Variants in PAIP2B observed in about 807,000 individuals in gnomAD.
The protein encoded by PAIP2B is poly(A) binding protein interacting protein 2B, also known as polyadenylate-binding protein-interacting protein 2B.
A neutral mutation model predicts 17.0 loss-of-function variants in PAIP2B; 13 were observed. That is an observed-to-expected ratio of 0.76 (90% CI 0.50 to 1.22). The LOEUF (loss-of-function observed/expected upper bound fraction) is 1.22. Ranked by LOEUF, PAIP2B falls within the 50% of genes most tolerant of loss-of-function variation. The pLI, the probability that PAIP2B is intolerant of heterozygous loss-of-function variation, is 0.00. For missense variants in PAIP2B, 117 were observed against 144.5 expected (o/e 0.81, Z 0.98); for synonymous variants, 43 against 48.7 (o/e 0.88, Z 0.48).
intron 1 of PAIP2B, among the ~76,000 whole-genome samples, chr2:71,213,691 T>G (rs1016261125): frequency 6.6e-6 from 1 of 152,168 alleles, no homozygotes; most frequent in Non-Finnish European, 1.5e-5. Flanking sequence ...AGAGGCAGAT[T>G]TTATGTCTAA....
intron 1 of PAIP2B, among the ~76,000 whole-genome samples, chr2:71,207,284 A>G (rs913218830): frequency 5.9e-5 from 9 of 152,178 alleles, no homozygotes; most frequent in African/African-American, 2.2e-4. Context: ...GCTTACTAGC[A>G]ATAGGGAGGA....
In PAIP2B at chr2:71,217,102, T is replaced by C. The variant is rs1189460173; in HGVS notation, c.-12+9826A>G. Among the ~76,000 whole-genome samples the C allele has an allele frequency of 5.3e-5, 8 of 152,206 alleles. No homozygotes were observed. In the East Asian group the frequency reaches 1.5e-3, roughly 29 times the overall value. On this transcript the variant is annotated intron_variant, in intron 1 of 3. Transcript: ENST00000244221. ...AGTAGCTCTGAATGTCCAAACTTAC[T>C]AAGAGAAGAAAAGTGGAATTATTGG...
chr2:71,207,118 G>A (rs1675151681), intron 1 of PAIP2B, among the ~76,000 whole-genome samples: 1 of 152,140 alleles, frequency 6.6e-6, no homozygotes. Context: ...ATTCTCTCAG[G>A]AGAGAGACAA....
chr2:71,212,712 C>T (rs1315975579), intron 1 of PAIP2B, among the ~76,000 whole-genome samples: 1 of 152,124 alleles, frequency 6.6e-6, no homozygotes, highest in Non-Finnish European at 1.5e-5. Flanking sequence ...CCTCAGCCTC[C>T]CAAAGTGCTG....
intron 2 of PAIP2B, among the ~76,000 whole-genome samples, chr2:71,191,743 G>C (rs550764085): frequency 6.6e-6 from 1 of 152,256 alleles, no homozygotes; most frequent in Non-Finnish European, 1.5e-5. Context: ...CCAGCTGCTG[G>C]ACTTCCCAGT....
At chr2:71,226,632 G>A (rs770872628) in intron 1 of PAIP2B, among the ~76,000 whole-genome samples, 3 of 152,080 alleles carry the variant, frequency 2.0e-5, no homozygotes, top group Non-Finnish European at 2.9e-5. Flanking sequence ...GCTGAGGGGA[G>A]TCAGGAACTT....
In PAIP2B at chr2:71,188,335, C is replaced by A; in HGVS notation, c.*144G>T. The A allele has an allele frequency of 1.5e-6, 1 of 653,056 alleles. No individual in the cohort carries two copies. Among genetic ancestry groups the A allele is most frequent in the Non-Finnish European group, 2.7e-6 (1 of 368,354 alleles). 40.5% of individuals were successfully genotyped at this position (653,056 alleles called of 1,614,324 possible). A position where few individuals can be genotyped will look rare whatever the true frequency, so the allele number is the denominator to read the frequency against. ...AATAAGACTGAGCATATTAGTTACT[C>A]AGAGTCACAGTATTGTGAGACCACC... On this transcript the variant is annotated 3_prime_UTR_variant, in exon 4 of 4. Coordinates refer to ENST00000244221, the MANE Select transcript of PAIP2B (RefSeq NM_020459.1).
chr2:71,199,809 T>C (rs980403405), intron 2 of PAIP2B, among the ~76,000 whole-genome samples: 1 of 152,162 alleles, frequency 6.6e-6, no homozygotes, highest in African/African-American at 2.4e-5. Flanking sequence ...GAGGACCACT[T>C]GTGCCTAGGG....
intron 1 of PAIP2B, among the ~76,000 whole-genome samples, chr2:71,213,583 A>G (rs1675356528): frequency 1.3e-5 from 2 of 152,240 alleles, no homozygotes; most frequent in Admixed American, 1.3e-4. Flanking sequence ...CACACTGTGT[A>G]AAATGGACTA....
rs1674505472 is a variant in PAIP2B, at chr2:71,185,220, C to T, written c.*3259G>A. On this transcript the variant is annotated 3_prime_UTR_variant, in exon 4 of 4. Transcript: ENST00000244221. ...GTAATAAACAATTTGGAAAATGTTG[C>T]TTAGTATTTTAAGCCATGGTTAGCA... 1 of 152,064 alleles carries T rather than the reference C, an allele frequency of 6.6e-6. No individual in the cohort carries two copies. The highest frequency in any genetic ancestry group is 1.5e-5 in the Non-Finnish European group (1 of 68,006). 9.4% of individuals were successfully genotyped at this position (152,064 alleles called of 1,614,324 possible).
At chr2:71,199,481 TC>T (rs1305900828) in intron 2 of PAIP2B, among the ~76,000 whole-genome samples, 8 of 152,144 alleles carry the variant, frequency 5.3e-5, no homozygotes, top group Non-Finnish European at 1.0e-4. Flanking sequence ...TCCATCTTTT[TC>T]TGTGGCCTGA....
chr2:71,211,481 C>T (rs1193697730), intron 1 of PAIP2B, among the ~76,000 whole-genome samples: 1 of 151,630 alleles, frequency 6.6e-6, no homozygotes, highest in African/African-American at 2.4e-5. Context: ...GACTTAAGAA[C>T]AATTCCTCGA....
intron 2 of PAIP2B, among the ~76,000 whole-genome samples, chr2:71,190,888 C>T (rs984924234): frequency 1.3e-5 from 2 of 152,172 alleles, no homozygotes; most frequent in Non-Finnish European, 2.9e-5. Flanking sequence ...ATAAAGAACA[C>T]TTTTTGGCAT....
At position 71,183,970 on chromosome 2, in the gene PAIP2B, C is replaced by T. The variant is rs1306511004; in HGVS notation, c.*4509G>A. Reference sequence around the variant, plus strand: ...GAAAAGGATTCCCTGCCTCCCAAACCATCCTTCAAGCATTAAACATTTTTG... The same window carrying T: ...GAAAAGGATTCCCTGCCTCCCAAACTATCCTTCAAGCATTAAACATTTTTG... On this transcript the variant is annotated 3_prime_UTR_variant, in exon 4 of 4. Transcript: ENST00000244221. 1 of 152,184 alleles carries T rather than the reference C, an allele frequency of 6.6e-6. No individual in the cohort carries two copies. The highest frequency in any genetic ancestry group is 1.9e-4 in the East Asian group (1 of 5,198). The allele number at this position is 152,184 out of a possible 1,614,324, so 9.4% of individuals were successfully genotyped here. A position where few individuals can be genotyped will look rare whatever the true frequency, so the allele number is the denominator to read the frequency against.
intron 1 of PAIP2B, among the ~76,000 whole-genome samples, chr2:71,223,131 G>C (rs769953633): frequency 5.9e-5 from 9 of 152,184 alleles, no homozygotes; most frequent in Non-Finnish European, 1.0e-4. Context: ...CAGAGTTTGA[G>C]GCTGGATGCA....
chr2:71,190,155 C>G (rs766074244), intron 2 of PAIP2B, 134 bp from the exon 3 acceptor site: 2 of 917,046 alleles, frequency 2.2e-6, no homozygotes, highest in East Asian at 2.8e-5. Context: ...TGTGGTGGCT[C>G]ACAACTGTAA....
chr2:71,202,528 A>C lies in PAIP2B; in HGVS notation c.62T>G (p.Leu21Ter). 1 of 1,613,790 alleles carries C rather than the reference A, an allele frequency of 6.2e-7. No homozygotes were observed. The highest frequency in any genetic ancestry group is 1.1e-5 in the South Asian group (1 of 91,064). Residue 21 changes from leucine (L) to a stop codon, truncating the protein, a stop_gained, in exon 2 of 4, where the codon TTA (leucine) becomes TGA (stop). Coordinates refer to ENST00000244221, the MANE Select transcript of PAIP2B (RefSeq NM_020459.1). LOFTEE classifies it high-confidence loss of function. ...GTTTTCCTTTTCATCGTGCCCACTTAACCCCTGGTCCTCTTTGGATTTTAC... is the reference window on the plus strand; with the variant it reads ...GTTTTCCTTTTCATCGTGCCCACTTCACCCCTGGTCCTCTTTGGATTTTAC... ...PSVKSKEDQGLSGHDEKENPF... is the reference protein window; with the variant it reads ...PSVKSKEDQG
intron 2 of PAIP2B, among the ~76,000 whole-genome samples, chr2:71,194,202 C>T (rs372218913): frequency 9.7e-4 from 147 of 152,158 alleles, no homozygotes; most frequent in African/African-American, 3.4e-3. Context: ...GCTATTCGTG[C>T]ACTTTTTAGG....
At position 71,185,407 on chromosome 2, in the gene PAIP2B, T is replaced by C. The variant is rs970000239; in HGVS notation, c.*3072A>G. 1.8e-4 allele frequency: 27 copies of C among 151,306 alleles called. No individual in the cohort carries two copies. Among genetic ancestry groups the C allele is most frequent in the African/African-American group, 6.6e-4 (27 of 41,138 alleles). The allele number at this position is 151,306 out of a possible 1,614,324, so 9.4% of individuals were successfully genotyped here. A position where few individuals can be genotyped will look rare whatever the true frequency, so the allele number is the denominator to read the frequency against. On this transcript the variant is annotated 3_prime_UTR_variant, in exon 4 of 4. Coordinates refer to ENST00000244221, the MANE Select transcript of PAIP2B (RefSeq NM_020459.1). ...ATCCAGTCTCTACAAAAAATAAAAATAATAAAAATAATTAGCTGGCCGTGG... is the reference window on the plus strand; with the variant it reads ...ATCCAGTCTCTACAAAAAATAAAAACAATAAAAATAATTAGCTGGCCGTGG...
Sources: gnomAD v4.1 joint callset for allele counts (sites outside exome capture counted in the v4.1 genomes callset) on GRCh38, gnomAD v4.1.1 for gene constraint, MANE v1.5 for transcripts, NCBI Gene and HGNC (gene_info 2026-07-23, HGNC 2026-07-21) for gene names.